The following CNTNAP2 variants were observed in gnomAD, a reference collection of about 807,000 sequenced individuals.
The protein encoded by CNTNAP2 is contactin associated protein 2, also known as contactin-associated protein-like 2.
CNTNAP2 carries 98 observed loss-of-function variants against 155.2 expected under a neutral mutation model. The observed-to-expected ratio is 0.63, with a 90% CI of 0.54 to 0.75. The LOEUF (loss-of-function observed/expected upper bound fraction) is 0.75. Ranked by LOEUF, CNTNAP2 falls within the 30% of genes least tolerant of loss-of-function variation. The probability of loss-of-function intolerance (pLI) is 0.00; values close to 1 mark genes in which losing one functional copy is unlikely to be tolerated. For missense variants in CNTNAP2, 1,727 were observed against 1,688.1 expected (o/e 1.02, Z -0.40); for synonymous variants, 651 against 631.2 (o/e 1.03, Z -0.47).
rs186470428 is a variant in CNTNAP2 at position 146,689,341 on chromosome 7, G to T, written c.98-84930G>T. On this transcript the variant is annotated intron_variant, in intron 1 of 23. Transcript: ENST00000361727. ...GTATTATGCATATTTTATCACATTTGTATTGTTATTATAAATATGTGTTTA... is the reference window on the plus strand; with the variant it reads ...GTATTATGCATATTTTATCACATTTTTATTGTTATTATAAATATGTGTTTA... Among the ~76,000 whole-genome samples the T allele has an allele frequency of 3.3e-3, 495 of 152,002 alleles. 2 individuals carry two copies. Among genetic ancestry groups the T allele is most frequent in the Non-Finnish European group, 5.0e-3 (340 of 67,962 alleles).
intron 9 of CNTNAP2, among the ~76,000 whole-genome samples, chr7:147,313,645 A>G (rs999022200): frequency 2.6e-5 from 4 of 151,936 alleles, no homozygotes; most frequent in Middle Eastern, 3.4e-3. Context: ...TACCATTACC[A>G]TGCTGTTTTG....
intron 1 of CNTNAP2, among the ~76,000 whole-genome samples, chr7:146,475,552 A>G (rs984876391): frequency 7.2e-5 from 11 of 152,148 alleles, no homozygotes; most frequent in East Asian, 3.9e-4. Flanking sequence ...TTTGGACAGG[A>G]TGGTATAATG....
chr7:147,521,648 A>C (rs1339964746), intron 11 of CNTNAP2, among the ~76,000 whole-genome samples: 1 of 152,098 alleles, frequency 6.6e-6, no homozygotes, highest in Non-Finnish European at 1.5e-5. Context: ...CACAAAATAG[A>C]CGAGTCATTC....
intron 20 of CNTNAP2, among the ~76,000 whole-genome samples, chr7:148,263,764 G>A (rs1184439759): frequency 2.0e-5 from 3 of 150,734 alleles, no homozygotes; most frequent in African/African-American, 7.3e-5. Context: ...AGAAAGAAAA[G>A]TTTATATAAA....
intron 1 of CNTNAP2, among the ~76,000 whole-genome samples, chr7:146,427,727 C>A (rs1195116618): frequency 6.6e-6 from 1 of 152,090 alleles, no homozygotes; most frequent in Non-Finnish European, 1.5e-5. Flanking sequence ...TCTAATGTAT[C>A]TTTTTTAAAA....
chr7:147,356,248 A>C (rs1210597441), intron 9 of CNTNAP2, among the ~76,000 whole-genome samples: 1 of 152,170 alleles, frequency 6.6e-6, no homozygotes, highest in African/African-American at 2.4e-5. Flanking sequence ...CTTCATGCTG[A>C]AAACTCTCAA....
intron 13 of CNTNAP2, among the ~76,000 whole-genome samples, chr7:147,770,281 T>A (rs188814240): frequency 1.8e-4 from 28 of 152,364 alleles, no homozygotes; most frequent in African/African-American, 6.5e-4. Flanking sequence ...GTTGTTTTTT[T>A]AAAATTATTT....
chr7:146,733,452 A>C (rs1801561347), intron 1 of CNTNAP2, among the ~76,000 whole-genome samples: 1 of 152,154 alleles, frequency 6.6e-6, no homozygotes, highest in Non-Finnish European at 1.5e-5. Context: ...ATATACATTT[A>C]AATTCATTTT....
chr7:148,146,432 A>G (rs1215002002), intron 16 of CNTNAP2, among the ~76,000 whole-genome samples: 1 of 152,258 alleles, frequency 6.6e-6, no homozygotes, highest in Non-Finnish European at 1.5e-5. Flanking sequence ...GGAACTTAAC[A>G]TAAAATATAA....
At chr7:147,957,441 T>C (rs2116838122) in intron 14 of CNTNAP2, among the ~76,000 whole-genome samples, 1 of 151,974 alleles carries the variant, frequency 6.6e-6, no homozygotes, top group African/African-American at 2.4e-5. Flanking sequence ...AAATGGAAAA[T>C]TAAAGGCAGT....
chr7:146,595,044 T>C (rs1037376590), intron 1 of CNTNAP2, among the ~76,000 whole-genome samples: 1 of 152,054 alleles, frequency 6.6e-6, no homozygotes, highest in Non-Finnish European at 1.5e-5. Context: ...TGGATATGTT[T>C]AACCACTGGC....
At chr7:147,614,602 T>A (rs1281732747) in intron 12 of CNTNAP2, among the ~76,000 whole-genome samples, 2 of 151,650 alleles carry the variant, frequency 1.3e-5, no homozygotes, top group Non-Finnish European at 2.9e-5. Context: ...ATTCTTAGGA[T>A]AATGATAATG....
intron 13 of CNTNAP2, among the ~76,000 whole-genome samples, chr7:147,698,923 G>GA (rs1175218067): frequency 6.6e-6 from 1 of 151,178 alleles, no homozygotes; most frequent in Non-Finnish European, 1.5e-5. Context: ...TACCTTAGAG[G>GA]AAAAAATCAA....
intron 8 of CNTNAP2, among the ~76,000 whole-genome samples, chr7:147,286,267 A>G (rs1247953827): frequency 1.3e-5 from 2 of 152,076 alleles, no homozygotes; most frequent in East Asian, 3.9e-4. Context: ...ATAAAGGTCT[A>G]AAAATAACTT....
chr7:147,828,070 C>T (rs1377717708), intron 13 of CNTNAP2, among the ~76,000 whole-genome samples: 2 of 151,868 alleles, frequency 1.3e-5, no homozygotes, highest in East Asian at 1.9e-4. Flanking sequence ...AGATCATCAA[C>T]GAATGAAGAA....
intron 13 of CNTNAP2, among the ~76,000 whole-genome samples, chr7:147,767,556 T>G (rs1360429539): frequency 1.3e-5 from 2 of 152,138 alleles, no homozygotes. Context: ...CTGCTTATTA[T>G]TACTGCCACT....
intron 1 of CNTNAP2, among the ~76,000 whole-genome samples, chr7:146,437,794 G>A (rs1307959933): frequency 6.6e-6 from 1 of 151,406 alleles, no homozygotes; most frequent in Non-Finnish European, 1.5e-5. Context: ...TCAAATTTGT[G>A]AGGAGTTATG....
intron 15 of CNTNAP2, among the ~76,000 whole-genome samples, chr7:148,067,033 T>A (rs549665330): frequency 6.6e-6 from 1 of 152,360 alleles, no homozygotes; most frequent in Admixed American, 6.5e-5. Flanking sequence ...TTCTTTAAGT[T>A]GGTTTTCACC....
chr7:146,205,975 A>G (rs1042693777), intron 1 of CNTNAP2, among the ~76,000 whole-genome samples: 11 of 151,892 alleles, frequency 7.2e-5, no homozygotes, highest in African/African-American at 2.7e-4. Context: ...TGCAGAGCCT[A>G]TTAATAAAGA....
Sources: gnomAD v4.1 joint callset for allele counts (sites outside exome capture counted in the v4.1 genomes callset) on GRCh38, gnomAD v4.1.1 for gene constraint, MANE v1.5 for transcripts, NCBI Gene and HGNC (gene_info 2026-07-23, HGNC 2026-07-21) for gene names.